Variants in CEP170B observed in about 807,000 individuals in gnomAD.
CEP170B encodes centrosomal protein of 170 kDa protein B.
In CEP170B, 55 loss-of-function variants were observed where a neutral mutation model predicts 120.6. The observed-to-expected ratio is 0.46, with a 90% CI of 0.37 to 0.57. The LOEUF is 0.57. CEP170B is among the 20% of genes least tolerant of loss of function. The pLI, the probability that CEP170B is intolerant of heterozygous loss-of-function variation, is 0.00. For missense variants in CEP170B, 2,212 were observed against 2,253.3 expected, an observed-to-expected ratio of 0.98 and a Z score of 0.37; for synonymous variants, 1,033 against 954.5, an observed-to-expected ratio of 1.08 and a Z score of -1.52.
intron 6 of CEP170B, 57 bp downstream of exon 6, chr14:104,880,482 C>T: frequency 2.5e-6 from 4 of 1,582,818 alleles, no homozygotes; most frequent in African/African-American, 1.3e-5. Context: ...AGGCCCTCTG[C>T]CCCGCACCTG....
In CEP170B at chr14:104,884,378, T is replaced by C. The variant is rs779401454; in HGVS notation, c.1599T>C (p.His533=). Reference sequence around the variant, plus strand: ...TGCTGCCCGCTCCCCTGACACCCCATGGGACCAGCCCCGTGGGCCCCCCGA... The same window carrying C: ...TGCTGCCCGCTCCCCTGACACCCCACGGGACCAGCCCCGTGGGCCCCCCGA... ...PPVLPAPLTP[H]GTSPVGPPTP... The change falls in exon 9 of 19, where the codon CAT becomes CAC. Residue 533 remains histidine (H), a synonymous_variant. Coordinates refer to ENST00000414716, the MANE Select transcript of CEP170B (RefSeq NM_001112726.3). 9 of 1,546,464 alleles carry C rather than the reference T, an allele frequency of 5.8e-6. No individual in the cohort carries two copies. The South Asian group carries it at 7.2e-5, about 12-fold the overall frequency.
chr14:104,874,533 C>A (rs1895730844), intron 2 of CEP170B, among the ~76,000 whole-genome samples: 1 of 152,096 alleles, frequency 6.6e-6, no homozygotes, highest in South Asian at 2.1e-4. Context: ...GGGCAGGCAG[C>A]TCAGGGATGG....
In CEP170B at chr14:104,888,024, C is replaced by G. The variant is rs528414942; in HGVS notation, c.3739+46C>G. 2.8e-5 allele frequency: 40 copies of G among 1,441,996 alleles called. No homozygotes were observed. In the South Asian group the frequency reaches 4.2e-4, roughly 15 times the overall value. 89.3% of individuals were successfully genotyped at this position (1,441,996 alleles called of 1,614,324 possible). ...GAGGCCAGGGCCAAGACAGGGCTGC[C>G]AGTGGGTCTGCAGCATCTTGGATGC... On this transcript the variant is annotated intron_variant, in intron 12 of 18. Coordinates refer to ENST00000414716, the MANE Select transcript of CEP170B (RefSeq NM_001112726.3).
At chr14:104,865,198 C>T (rs1595299816), upstream of CEP170B, 1 of 13,408 alleles carries the variant, frequency 7.5e-5, no homozygotes, top group Admixed American at 1.0e-3. This position sits in a 1 kb window ranked among gnomAD's most constrained non-coding sequence, Gnocchi z 6.7. Flanking sequence ...GCGGCGCGGC[C>T]GGGCGGGGGC....
In CEP170B at chr14:104,872,471, G is replaced by A. The variant is rs1469704859; in HGVS notation, c.106-3785G>A. Among the ~76,000 whole-genome samples the A allele has an allele frequency of 1.1e-3, 61 of 56,492 alleles. 3 individuals are homozygous for A. The highest frequency in any genetic ancestry group is 2.0e-3 in the African/African-American group (55 of 27,578). 37.1% of individuals were successfully genotyped at this position (56,492 alleles called of 152,430 possible). On this transcript the variant is annotated intron_variant, in intron 2 of 18. Transcript: ENST00000414716. ...CCATGTGTGTGCGTGTGGGTGTGCC[G>A]TGTGTGTGCGTGTGTGCCGTGTGTG... is the stretch of plus-strand genomic sequence containing the variant.
In CEP170B at chr14:104,887,585, T is replaced by C; in HGVS notation, c.3346T>C (p.Ser1116Pro). ...GGCCTTGACCCGCTCCAACAGCCTG[T>C]CCACCCCTCGCCCCACACGGGCCTC... is the stretch of plus-strand genomic sequence containing the variant. Reference protein sequence around the residue: ...PQALTRSNSLSTPRPTRASRL... With the variant: ...PQALTRSNSLPTPRPTRASRL... The change falls in exon 12 of 19, where the codon TCC becomes CCC. Residue 1116 changes from serine to proline, a missense_variant. By Grantham distance (74) the Ser-to-Pro change is moderately conservative. This residue lies in a region of CEP170B where 2,166 missense variants were observed against 2,166.7 expected (regional missense o/e 1.00). Coordinates refer to ENST00000414716, the MANE Select transcript of CEP170B (RefSeq NM_001112726.3). The C allele has an allele frequency of 6.3e-7, 1 of 1,589,910 alleles. No individual in the cohort carries two copies. Among genetic ancestry groups the C allele is most frequent in the Non-Finnish European group, 8.5e-7 (1 of 1,169,598 alleles).
intron 3 of CEP170B, 79 bp downstream of exon 3, chr14:104,876,424 C>T: frequency 7.4e-7 from 1 of 1,352,126 alleles, no homozygotes; most frequent in Non-Finnish European, 1.0e-6. Flanking sequence ...GTTCTGGCTC[C>T]TCCCCCAGTC....
Position 104,895,079 on chromosome 14 carries a change from C to G in CEP170B, c.*121C>G. ...GAAGACCCCCACATGTGCCATATCC[C>G]TGTGGGCGGGTGCCTCCCACGCCCT... is the stretch of plus-strand genomic sequence containing the variant. On this transcript the variant is annotated 3_prime_UTR_variant, in exon 19 of 19. Coordinates refer to ENST00000414716, the MANE Select transcript of CEP170B (RefSeq NM_001112726.3). The G allele has an allele frequency of 8.4e-7, 1 of 1,197,506 alleles. No homozygotes were observed. The highest frequency in any genetic ancestry group is 1.1e-6 in the Non-Finnish European group (1 of 881,540). The allele number at this position is 1,197,506 out of a possible 1,614,324, so 74.2% of individuals were successfully genotyped here. A position where few individuals can be genotyped will look rare whatever the true frequency, so the allele number is the denominator to read the frequency against.
Position 104,876,252 on chromosome 14 carries a change from C to T in CEP170B, c.106-4C>T. 1.3e-6 allele frequency: 2 copies of T among 1,550,596 alleles called. No homozygotes were observed. The highest frequency in any genetic ancestry group is 2.4e-5 in the South Asian group (2 of 84,048). On this transcript the variant is annotated splice_polypyrimidine_tract_variant and splice_region_variant and intron_variant, in intron 2 of 18. Transcript: ENST00000414716. Reference sequence around the variant, plus strand: ...ACCTGAGGGCTGGCTGTGTGTCTCTCCAGTCCCGCAGCGTGGACAAGCAGC... The same window carrying T: ...ACCTGAGGGCTGGCTGTGTGTCTCTTCAGTCCCGCAGCGTGGACAAGCAGC...
At position 104,886,277 on chromosome 14, in the gene CEP170B, G is replaced by T; in HGVS notation, c.2038G>T (p.Asp680Tyr). The T allele has an allele frequency of 6.5e-7, 1 of 1,531,690 alleles. No individual in the cohort carries two copies. The allele number at this position is 1,531,690 out of a possible 1,614,324, so 94.9% of individuals were successfully genotyped here. A position where few individuals can be genotyped will look rare whatever the true frequency, so the allele number is the denominator to read the frequency against. The stretch of plus-strand genomic sequence containing the variant: ...CCGGCTGCCTTTGTGCTCCACAGAG[G>T]ATGGCCTGGGACGTAGAGGCGGGGA... ...DSYSDPGLTE[D>Y]GLGRRGGEPE... The change falls in exon 12 of 19, where the codon GAT (aspartate) becomes TAT (tyrosine). Residue 680 changes from aspartate to tyrosine, a missense_variant and splice_region_variant. By Grantham distance (160) the Asp-to-Tyr change is radical (BLOSUM62 -3). This residue lies in a region of CEP170B where 2,166 missense variants were observed against 2,166.7 expected (regional missense o/e 1.00). Transcript: ENST00000414716.
At chr14:104,864,741 G>C (rs2140597807), upstream of CEP170B, among the ~76,000 whole-genome samples, 1 of 152,340 alleles carries the variant, frequency 6.6e-6, no homozygotes, top group East Asian at 1.9e-4. The surrounding 1 kb of genome is among the most constrained non-coding windows in gnomAD (Gnocchi z 5.9). Context: ...AGGCTCGGGA[G>C]GGAAAATCTG....
intron 3 of CEP170B, among the ~76,000 whole-genome samples, chr14:104,877,081 G>GT (rs1325657167): frequency 6.6e-6 from 1 of 152,106 alleles, no homozygotes; most frequent in African/African-American, 2.4e-5. Context: ...GCACTCTGCA[G>GT]TCCTGAGCTG....
chr14:104,878,562 C>T, intron 5 of CEP170B, 61 bp downstream of exon 5: 1 of 1,547,540 alleles, frequency 6.5e-7, no homozygotes, highest in Non-Finnish European at 8.8e-7. Flanking sequence ...ATCCTCCCCA[C>T]CATGCTCCCG....
intron 4 of CEP170B, 129 bp from the exon 5 acceptor site, chr14:104,878,314 C>G: frequency 2.2e-6 from 2 of 926,248 alleles, no homozygotes. Context: ...TGTGCCTCCC[C>G]GGGAAGAAAG....
At chr14:104,890,689 A>G (rs1233182710) in intron 13 of CEP170B, among the ~76,000 whole-genome samples, 243 of 24,356 alleles carry the variant, frequency 1.0e-2, no homozygotes, top group Middle Eastern at 0.036. Context: ...TGGATGGGTG[A>G]GTGGGTGGGT....
In CEP170B at chr14:104,885,528, C is replaced by A. The variant is rs773755154; in HGVS notation, c.1930C>A (p.Gln644Lys). The A allele has an allele frequency of 1.3e-6, 2 of 1,563,626 alleles. No individual in the cohort carries two copies. Among genetic ancestry groups the A allele is most frequent in the Non-Finnish European group, 1.7e-6 (2 of 1,158,748 alleles). ...FASRPLGAAP[Q>K]AEHQGLPVPG... The stretch of plus-strand genomic sequence containing the variant: ...CTCCCGGCCACTGGGTGCGGCCCCC[C>A]AGGCGGAGCACCAGGTACAGGCACA... Residue 644 changes from glutamine (Q) to lysine (K), a missense_variant, in exon 10 of 19, where the codon CAG (glutamine) becomes AAG (lysine). By Grantham distance (53) the Gln-to-Lys change is moderately conservative. Transcript: ENST00000414716.
chr14:104,887,956 A>AGGGCCCGCTCG lies in CEP170B; in HGVS notation c.3719_3720insGCCCGCTCGGG (p.Ser1241ProfsTer58). 3 of 1,521,914 alleles carry AGGGCCCGCTCG rather than the reference A, an allele frequency of 2.0e-6. No individual in the cohort carries two copies. The highest frequency in any genetic ancestry group is 2.6e-6 in the Non-Finnish European group (3 of 1,136,768). The allele number at this position is 1,521,914 out of a possible 1,614,324, so 94.3% of individuals were successfully genotyped here. On this transcript the variant is annotated frameshift_variant, in exon 12 of 19. Coordinates refer to ENST00000414716, the MANE Select transcript of CEP170B (RefSeq NM_001112726.3). LOFTEE classifies it high-confidence loss of function. ...GCCAGCCCTTCAGCAGGGCCCGCTC[A>AGGGCCCGCTCG]GGCAGTGCCCGATACACCTCCAGTG...
rs1167206952 is a variant in CEP170B, at chr14:104,885,525, C to A, written c.1927C>A (p.Pro643Thr). 6.4e-7 allele frequency: 1 copy of A among 1,564,562 alleles called. No individual in the cohort carries two copies. The highest frequency in any genetic ancestry group is 2.3e-5 in the East Asian group (1 of 42,560). The change falls in exon 10 of 19, where the codon CCC becomes ACC. Residue 643 changes from proline (P) to threonine (T), a missense_variant. Physicochemically the swap from Pro to Thr is conservative, Grantham distance 38. Transcript: ENST00000414716. ...TGCCTCCCGGCCACTGGGTGCGGCC[C>A]CCCAGGCGGAGCACCAGGTACAGGC... ...EFASRPLGAAPQAEHQGLPVP... is the reference protein window; with the variant it reads ...EFASRPLGAATQAEHQGLPVP...
chr14:104,883,984 A>G lies in CEP170B; in HGVS notation c.1205A>G (p.Gln402Arg). 2 of 1,610,636 alleles carry G rather than the reference A, an allele frequency of 1.2e-6. No homozygotes were observed. The highest frequency in any genetic ancestry group is 1.7e-6 in the Non-Finnish European group (2 of 1,178,808). Residue 402 changes from glutamine (Q) to arginine (R), a missense_variant, in exon 9 of 19, where the codon CAG becomes CGG. Coordinates refer to ENST00000414716, the MANE Select transcript of CEP170B (RefSeq NM_001112726.3). ...CCCCAGGAGCTACTACATAACCAGC[A>G]GGCCTTTGTCATCGAGTTCTTCGAC... is the stretch of plus-strand genomic sequence containing the variant. ...RDPQELLHNQQAFVIEFFDED... is the reference protein window; with the variant it reads ...RDPQELLHNQRAFVIEFFDED...
Sources: gnomAD v4.1 joint callset for allele counts (sites outside exome capture counted in the v4.1 genomes callset) on GRCh38, gnomAD v4.1.1 for gene constraint, gnomAD v4.1.1 regional missense constraint, Gnocchi (gnomAD v3.1) non-coding constraint, MANE v1.5 for transcripts, NCBI Gene and HGNC (gene_info 2026-07-23, HGNC 2026-07-21) for gene names.